IL23R: variants seen among roughly 807,000 people sequenced by gnomAD.
IL23R encodes interleukin-23 receptor.
IL23R carries 34 observed loss-of-function variants against 56.9 expected under a neutral mutation model. That is an observed-to-expected ratio of 0.60 (90% CI 0.45 to 0.80). IL23R has a LOEUF of 0.80. Ranked by LOEUF, IL23R falls within the 30% of genes least tolerant of loss-of-function variation. IL23R has a pLI of 0.00. For synonymous variants in IL23R, 230 were observed against 249.2 expected (o/e 0.92, Z 0.73); for missense variants, 635 against 730.0 (o/e 0.87, Z 1.50).
chr1:67,221,866 G>A (rs1367996622), intron 7 of IL23R, among the ~76,000 whole-genome samples: 16 of 152,010 alleles, frequency 1.1e-4, no homozygotes, highest in Non-Finnish European at 1.8e-4. Context: ...ATCTCCTACT[G>A]CCCAAATCTT....
At chr1:67,225,226 C>A (rs1041180679) in intron 7 of IL23R, among the ~76,000 whole-genome samples, 4 of 152,132 alleles carry the variant, frequency 2.6e-5, no homozygotes, top group Admixed American at 2.0e-4. Context: ...AGAAAAGAAC[C>A]AGAAGATACT....
At chr1:67,255,978 G>T in intron 10 of IL23R, 51 bp downstream of exon 10, 1 of 965,996 alleles carries the variant, frequency 1.0e-6, no homozygotes, top group Non-Finnish European at 1.7e-6. Context: ...GACCAAGAGT[G>T]CAGTCTAATA....
intron 5 of IL23R, among the ~76,000 whole-genome samples, chr1:67,204,150 G>A (rs1351400050): frequency 2.6e-5 from 4 of 151,912 alleles, no homozygotes; most frequent in Admixed American, 6.6e-5. Context: ...TGCAAGCTCC[G>A]CCTTCCGGGT....
chr1:67,251,104 C>G (rs1652577105), intron 9 of IL23R, among the ~76,000 whole-genome samples: 1 of 152,104 alleles, frequency 6.6e-6, no homozygotes, highest in African/African-American at 2.4e-5. Flanking sequence ...AAAAATAATT[C>G]AGTCGACTGA....
intron 6 of IL23R, among the ~76,000 whole-genome samples, chr1:67,215,034 G>C (rs1488563262): frequency 6.6e-6 from 1 of 152,186 alleles, no homozygotes; most frequent in South Asian, 2.1e-4. Flanking sequence ...CGTACCGCCT[G>C]CTTGCTCAAA....
downstream of IL23R, among the ~76,000 whole-genome samples, chr1:67,260,264 C>T (rs924379864): frequency 6.6e-6 from 1 of 151,978 alleles, no homozygotes; most frequent in East Asian, 1.9e-4. Context: ...AGAGTGATGG[C>T]CTTGTTTTCC....
At chr1:67,176,632 T>C (rs990802860) in intron 3 of IL23R, among the ~76,000 whole-genome samples, 5 of 152,188 alleles carry the variant, frequency 3.3e-5, no homozygotes, top group African/African-American at 1.2e-4. Context: ...TTTATTTATC[T>C]ATTTAATTTT....
At chr1:67,220,820 CCT>C (rs1396334043) in intron 7 of IL23R, among the ~76,000 whole-genome samples, 1 of 152,188 alleles carries the variant, frequency 6.6e-6, no homozygotes, top group African/African-American at 2.4e-5. Flanking sequence ...CTCACTGAAG[CCT>C]CTGCCTCCTG....
chr1:67,231,644 A>G (rs970030813), intron 7 of IL23R, among the ~76,000 whole-genome samples: 3 of 152,226 alleles, frequency 2.0e-5, no homozygotes, highest in African/African-American at 7.2e-5. Flanking sequence ...GAATAAATAC[A>G]GTAAAACATG....
At chr1:67,193,393 T>C (rs1647890644) in intron 4 of IL23R, among the ~76,000 whole-genome samples, 1 of 152,244 alleles carries the variant, frequency 6.6e-6, no homozygotes, top group African/African-American at 2.4e-5. Context: ...TTTTGTTCAT[T>C]GTAGCCCCAA....
At chr1:67,235,153 C>T (rs928326691) in intron 7 of IL23R, among the ~76,000 whole-genome samples, 3 of 152,148 alleles carry the variant, frequency 2.0e-5, no homozygotes, top group African/African-American at 4.8e-5. Context: ...TTTGGTGGAA[C>T]CATATACCCA....
At chr1:67,181,141 T>A (rs564986585) in intron 3 of IL23R, among the ~76,000 whole-genome samples, 266 of 152,258 alleles carry the variant, frequency 1.7e-3, no homozygotes, top group Admixed American at 5.8e-3. Flanking sequence ...GCGTTCTCTG[T>A]ATTTCCTGAA....
chr1:67,255,597 C>T (rs554496890), intron 9 of IL23R, among the ~76,000 whole-genome samples: 1 of 152,126 alleles, frequency 6.6e-6, no homozygotes, highest in East Asian at 1.9e-4. Context: ...CACCACCACA[C>T]CCAGCTAATT....
chr1:67,142,266 T>C (rs889578737), intron 1 of IL23R, among the ~76,000 whole-genome samples: 3 of 152,142 alleles, frequency 2.0e-5, no homozygotes, highest in African/African-American at 7.2e-5. Context: ...GATAAAAAAT[T>C]AAATTAAAAA....
At chr1:67,180,555 G>C (rs572593015) in intron 3 of IL23R, among the ~76,000 whole-genome samples, 1 of 152,084 alleles carries the variant, frequency 6.6e-6, no homozygotes, top group Non-Finnish European at 1.5e-5. Context: ...CACGCTGATG[G>C]GTCTTGACTC....
At chr1:67,230,501 T>C (rs1651026417) in intron 7 of IL23R, among the ~76,000 whole-genome samples, 1 of 152,000 alleles carries the variant, frequency 6.6e-6, no homozygotes, top group Admixed American at 6.6e-5. Flanking sequence ...CCTTGTCATT[T>C]AGGAAAATTT....
chr1:67,165,953 G>A (rs1294362497), upstream of IL23R, among the ~76,000 whole-genome samples: 2 of 152,128 alleles, frequency 1.3e-5, no homozygotes, highest in African/African-American at 4.8e-5. Context: ...TTGCTTGAAT[G>A]TTCTCTCTGC....
chr1:67,262,785 G>C (rs1005650033), downstream of IL23R, among the ~76,000 whole-genome samples: 2 of 152,026 alleles, frequency 1.3e-5, no homozygotes, highest in Non-Finnish European at 2.9e-5. Context: ...CCTGCTTCTT[G>C]GTATGGGTAA....
chr1:67,182,015 G>C (rs151142666), intron 3 of IL23R, among the ~76,000 whole-genome samples: 3,072 of 152,230 alleles, frequency 0.02, 97 homozygotes, highest in African/African-American at 0.07. Context: ...AGGAGTACCT[G>C]GCCATGTGAC....
Sources: gnomAD v4.1 joint callset for allele counts (sites outside exome capture counted in the v4.1 genomes callset) on GRCh38, gnomAD v4.1.1 for gene constraint, MANE v1.5 for transcripts, NCBI Gene and HGNC (gene_info 2026-07-23, HGNC 2026-07-21) for gene names.